Variants in VGLL4 observed in about 807,000 individuals in gnomAD.
VGLL4 encodes transcription cofactor vestigial-like protein 4.
In VGLL4, 7 loss-of-function variants were observed where a neutral mutation model predicts 21.0. The ratio of observed to expected loss-of-function variants is 0.33; its 90% confidence interval spans 0.19 to 0.63. VGLL4 has a LOEUF of 0.63. Ranked by LOEUF, VGLL4 falls within the 20% of genes least tolerant of loss-of-function variation. VGLL4 has a pLI of 0.78. For missense variants in VGLL4, 394 were observed against 425.7 expected (o/e 0.93, Z 0.66); for synonymous variants, 222 against 173.2 (o/e 1.28, Z -2.21).
chr3:11,655,779 A>G (rs1033641408), intron 2 of VGLL4, among the ~76,000 whole-genome samples: 4 of 152,160 alleles, frequency 2.6e-5, no homozygotes, highest in Non-Finnish European at 5.9e-5. Flanking sequence ...GTCTCACTGC[A>G]TAGGAGCCTG....
At chr3:11,655,357 T>C (rs1245465507) in intron 2 of VGLL4, among the ~76,000 whole-genome samples, 1 of 152,098 alleles carries the variant, frequency 6.6e-6, no homozygotes, top group Non-Finnish European at 1.5e-5. Context: ...GAGTTCAACA[T>C]CCCAATGAGT....
At chr3:11,594,968 C>A (rs924866756) in intron 2 of VGLL4, among the ~76,000 whole-genome samples, 2 of 152,226 alleles carry the variant, frequency 1.3e-5, no homozygotes, top group East Asian at 1.9e-4. Context: ...TCAAGACCAG[C>A]CTGACCAACA....
At chr3:11,573,287 GAAA>G (rs1559869688) in intron 2 of VGLL4, among the ~76,000 whole-genome samples, 373 of 9,946 alleles carry the variant, frequency 0.038, 37 homozygotes, top group Admixed American at 0.047. Context: ...AAGAAAGAAA[GAAA>G]GAAAGAAAGA....
chr3:11,643,643 A>G lies in VGLL4; in HGVS notation c.-125T>C. 6.6e-7 allele frequency: 1 copy of G among 1,505,278 alleles called. No individual in the cohort carries two copies. Among genetic ancestry groups the G allele is most frequent in the Non-Finnish European group, 8.8e-7 (1 of 1,136,056 alleles). 93.2% of individuals were successfully genotyped at this position (1,505,278 alleles called of 1,614,324 possible). ...CACAAAGGCAGAGGCCCAGCCTCAG[A>G]CTATCAAAACAAAGTATGCAAAAGT... On this transcript the variant is annotated 5_prime_UTR_variant, in exon 1 of 5. Coordinates refer to ENST00000430365, the MANE Select transcript of VGLL4 (RefSeq NM_001128219.3).
chr3:11,572,466 CT>C (rs2073813817), intron 2 of VGLL4, among the ~76,000 whole-genome samples: 2 of 152,286 alleles, frequency 1.3e-5, no homozygotes, highest in South Asian at 4.1e-4. Flanking sequence ...CTTTTCTTTC[CT>C]CTGGCCATGA....
Position 11,656,581 on chromosome 3 carries a change from G to A in VGLL4, c.64+46390C>T, listed in dbSNP as rs59364597. 4.0e-3 allele frequency among the ~76,000 whole-genome samples: 604 copies of A among 152,284 alleles called. 2 individuals carry two copies. The highest frequency in any genetic ancestry group is 0.014 in the African/African-American group (570 of 41,560). ...CTAGAGCTGAGATGTCCACTGGGGT[G>A]CAGTAGCTGAGGTCAGTAACTCCTA... On this transcript the variant is annotated intron_variant, in intron 2 of 5. Coordinates refer to the VGLL4 transcript ENST00000273038.
intron 2 of VGLL4, among the ~76,000 whole-genome samples, chr3:11,652,935 AG>A (rs2075898219): frequency 6.6e-6 from 1 of 152,232 alleles, no homozygotes; most frequent in South Asian, 2.1e-4. Flanking sequence ...TCCCATTCAA[AG>A]AACATTCACA....
intron 1 of VGLL4, among the ~76,000 whole-genome samples, chr3:11,610,091 G>A (rs2075028553): frequency 6.6e-6 from 1 of 152,120 alleles, no homozygotes; most frequent in South Asian, 2.1e-4. Context: ...GCACTGATGT[G>A]TCTCCTTCAG....
chr3:11,592,890 C>T (rs2074536306), intron 2 of VGLL4, among the ~76,000 whole-genome samples: 1 of 152,168 alleles, frequency 6.6e-6, no homozygotes, highest in Non-Finnish European at 1.5e-5. Context: ...CGCACAAGGG[C>T]TCACGAGTTG....
chr3:11,707,643 A>G (rs1322265874), intron 1 of VGLL4, among the ~76,000 whole-genome samples: 1 of 152,046 alleles, frequency 6.6e-6, no homozygotes, highest in African/African-American at 2.4e-5. Flanking sequence ...TGAGCCCGGG[A>G]GTTCCAGACC....
At chr3:11,613,875 G>A (rs1464858768) in intron 1 of VGLL4, among the ~76,000 whole-genome samples, 1 of 152,188 alleles carries the variant, frequency 6.6e-6, no homozygotes, top group Non-Finnish European at 1.5e-5. Context: ...CGCTACTCAT[G>A]ACAGGCCCCC....
At chr3:11,564,399 C>T (rs991378034) in intron 3 of VGLL4, among the ~76,000 whole-genome samples, 3 of 72,808 alleles carry the variant, frequency 4.1e-5, no homozygotes, top group South Asian at 4.7e-4. Flanking sequence ...AAAGGAGAAA[C>T]GTAGGACCCC....
intron 2 of VGLL4, among the ~76,000 whole-genome samples, chr3:11,701,392 G>A (rs1336749579): frequency 6.6e-6 from 1 of 152,134 alleles, no homozygotes; most frequent in African/African-American, 2.4e-5. Context: ...ACAGCCTACA[G>A]CACCGTGAGC....
chr3:11,704,409 A>AAAAAG (rs1158440793), intron 1 of VGLL4, among the ~76,000 whole-genome samples: 1 of 149,958 alleles, frequency 6.7e-6, no homozygotes, highest in Non-Finnish European at 1.5e-5. Context: ...AAAAAAAGAA[A>AAAAAG]AAAAGAAAAG....
chr3:11,646,290 A>G (rs1396231809), upstream of VGLL4, among the ~76,000 whole-genome samples: 3 of 152,240 alleles, frequency 2.0e-5, no homozygotes, highest in African/African-American at 7.2e-5. Context: ...ATCAGGTATC[A>G]GATTTAAATT....
chr3:11,571,414 T>G (rs750336053), intron 2 of VGLL4, among the ~76,000 whole-genome samples: 3 of 152,210 alleles, frequency 2.0e-5, no homozygotes, highest in Non-Finnish European at 4.4e-5. Context: ...CCAGGTGCAG[T>G]GACTCACGCC....
At chr3:11,597,969 C>G (rs2074687801) in intron 2 of VGLL4, among the ~76,000 whole-genome samples, 1 of 152,120 alleles carries the variant, frequency 6.6e-6, no homozygotes. Context: ...CTAAGGAAAC[C>G]TCTCTTTTTT....
intron 2 of VGLL4, among the ~76,000 whole-genome samples, chr3:11,680,548 C>T (rs767195258): frequency 2.6e-5 from 4 of 152,136 alleles, no homozygotes; most frequent in South Asian, 2.1e-4. Flanking sequence ...CACACTAAGA[C>T]GAATCCCAGG....
rs972412021 is a variant in VGLL4, at chr3:11,643,498, G to A, written c.21C>T (p.Asp7=). 6.2e-7 allele frequency: 1 copy of A among 1,613,986 alleles called. No homozygotes were observed. Among genetic ancestry groups the A allele is most frequent in the Non-Finnish European group, 8.5e-7 (1 of 1,179,894 alleles). Residue 7 remains aspartate, a synonymous_variant, in exon 1 of 5, where the codon GAC becomes GAT. Transcript: ENST00000430365. MLFMKM[D]LLNYQYLDKM... ...TGTCCAAGTACTGATAGTTCAACAG[G>A]TCCATCTTCATAAATAGCATTTATT...
Sources: allele counts gnomAD v4.1 joint callset (sites outside exome capture counted in the v4.1 genomes callset), GRCh38; gene constraint gnomAD v4.1.1; transcripts MANE v1.5; gene names NCBI Gene and HGNC (gene_info 2026-07-23, HGNC 2026-07-21).